Variants in LRRC4C observed in about 807,000 individuals in gnomAD.
LRRC4C encodes leucine rich repeat containing 4C.
A neutral mutation model predicts 33.6 loss-of-function variants in LRRC4C; 5 were observed. That is an observed-to-expected ratio of 0.15 (90% CI 0.08 to 0.31). LRRC4C has a LOEUF of 0.31. Ranked by LOEUF, LRRC4C falls within the 10% of genes least tolerant of loss-of-function variation. LRRC4C has a pLI of 1.00. For synonymous variants in LRRC4C, 329 were observed against 302.0 expected (o/e 1.09, Z -0.93); for missense variants, 560 against 796.7 (o/e 0.70, Z 3.58).
intron 1 of LRRC4C, among the ~76,000 whole-genome samples, chr11:41,137,068 C>A (rs377147955): frequency 1.1e-4 from 16 of 151,856 alleles, no homozygotes; most frequent in East Asian, 5.8e-4. Context: ...GCCAACATGG[C>A]GAAACCCTGA....
chr11:40,846,929 G>A (rs889274202), intron 2 of LRRC4C, among the ~76,000 whole-genome samples: 2 of 152,124 alleles, frequency 1.3e-5, no homozygotes, highest in Non-Finnish European at 2.9e-5. Context: ...AATTGTGAGT[G>A]GGTGTTTGCT....
At chr11:40,582,170 C>T (rs1192221760) in intron 3 of LRRC4C, among the ~76,000 whole-genome samples, 2 of 151,950 alleles carry the variant, frequency 1.3e-5, no homozygotes, top group East Asian at 3.9e-4. Flanking sequence ...ACTACCAATC[C>T]ATAGATACTG....
intron 2 of LRRC4C, among the ~76,000 whole-genome samples, chr11:40,711,003 C>T (rs1382378128): frequency 7.9e-5 from 12 of 152,252 alleles, no homozygotes; most frequent in South Asian, 2.1e-4. Context: ...CTGAGCCAGG[C>T]GTGGGATAAA....
intron 1 of LRRC4C, among the ~76,000 whole-genome samples, chr11:41,216,311 C>T (rs1310241641): frequency 6.6e-6 from 1 of 150,524 alleles, no homozygotes; most frequent in East Asian, 2.0e-4. Flanking sequence ...GACCGCTATG[C>T]AATCAACATT....
intron 2 of LRRC4C, among the ~76,000 whole-genome samples, chr11:40,915,059 T>C (rs1005403332): frequency 1.3e-5 from 2 of 152,248 alleles, no homozygotes; most frequent in African/African-American, 4.8e-5. Context: ...TATAAACAAA[T>C]GGAAGAACAT....
chr11:40,906,343 T>C (rs1956414173), intron 2 of LRRC4C, among the ~76,000 whole-genome samples: 1 of 152,108 alleles, frequency 6.6e-6, no homozygotes, highest in Non-Finnish European at 1.5e-5. Flanking sequence ...AAACCCCATC[T>C]CTACTAAAAA....
At chr11:40,839,858 A>ATC (rs1952837000) in intron 2 of LRRC4C, among the ~76,000 whole-genome samples, 1 of 152,216 alleles carries the variant, frequency 6.6e-6, no homozygotes, top group Admixed American at 6.5e-5. Context: ...TCCATAAAAA[A>ATC]TAATTTCAAT....
intron 1 of LRRC4C, among the ~76,000 whole-genome samples, chr11:41,112,006 G>C (rs1013384075): frequency 6.6e-6 from 1 of 151,986 alleles, no homozygotes; most frequent in African/African-American, 2.4e-5. Context: ...GAGAGAGGAT[G>C]TAAAAAGTAT....
rs937628143 is a variant in LRRC4C, at chr11:41,061,493, C to T, written c.-495-127770G>A. Among the ~76,000 whole-genome samples, 7 of 152,090 alleles carry T rather than the reference C, an allele frequency of 4.6e-5. No homozygotes were observed. In the South Asian group the frequency reaches 1.0e-3, roughly 23 times the overall value. On this transcript the variant is annotated intron_variant, in intron 1 of 6. Coordinates refer to ENST00000528697, the MANE Select transcript of LRRC4C (RefSeq NM_001258419.2). Reference sequence around the variant, plus strand: ...GACTTCTAGACTCTGAATATGTTACCGGGCACTGTGACACTGGGGGTGAGG... The same window carrying T: ...GACTTCTAGACTCTGAATATGTTACTGGGCACTGTGACACTGGGGGTGAGG...
intron 5 of LRRC4C, among the ~76,000 whole-genome samples, chr11:40,173,648 T>C (rs991700379): frequency 1.1e-4 from 17 of 152,176 alleles, no homozygotes; most frequent in African/African-American, 3.6e-4. Flanking sequence ...AAACAAAATC[T>C]CAGTGGATCT....
At chr11:40,845,277 G>A (rs1002409834) in intron 2 of LRRC4C, among the ~76,000 whole-genome samples, 2 of 151,964 alleles carry the variant, frequency 1.3e-5, no homozygotes, top group Non-Finnish European at 2.9e-5. Context: ...TCTACATTAG[G>A]TATTTCATCT....
chr11:40,616,984 T>C (rs1049020548), intron 3 of LRRC4C, among the ~76,000 whole-genome samples: 2 of 151,620 alleles, frequency 1.3e-5, no homozygotes, highest in Non-Finnish European at 3.0e-5. Context: ...TACCAATAGC[T>C]GGTCTTCATT....
intron 2 of LRRC4C, among the ~76,000 whole-genome samples, chr11:40,919,234 C>T (rs1957079043): frequency 6.6e-6 from 1 of 152,174 alleles, no homozygotes; most frequent in South Asian, 2.1e-4. Flanking sequence ...ATCATGGATT[C>T]CAGCTGTATC....
chr11:40,924,207 T>C (rs1351410782), intron 2 of LRRC4C, among the ~76,000 whole-genome samples: 4 of 151,660 alleles, frequency 2.6e-5, no homozygotes, highest in Admixed American at 6.6e-5. Context: ...GTCCAAAGTA[T>C]GGCCCTCACA....
chr11:40,597,500 C>G (rs1319551676), intron 3 of LRRC4C, among the ~76,000 whole-genome samples: 1 of 152,270 alleles, frequency 6.6e-6, no homozygotes, highest in Non-Finnish European at 1.5e-5. Context: ...TATTTCACTT[C>G]TCATCATTTT....
At chr11:40,895,236 G>C (rs1014421427) in intron 2 of LRRC4C, among the ~76,000 whole-genome samples, 2 of 151,972 alleles carry the variant, frequency 1.3e-5, no homozygotes, top group African/African-American at 4.8e-5. Context: ...ATTTATGTTA[G>C]ATACCTGGTC....
intron 1 of LRRC4C, among the ~76,000 whole-genome samples, chr11:41,339,615 G>C (rs1403009667): frequency 1.3e-5 from 2 of 152,112 alleles, no homozygotes; most frequent in Non-Finnish European, 1.5e-5. Context: ...GGGTGAGACG[G>C]AGATCTTAAA....
chr11:41,029,961 A>C lies in LRRC4C; in HGVS notation c.-495-96238T>G, dbSNP rs1420353859. Among the ~76,000 whole-genome samples the C allele has an allele frequency of 9.2e-5, 14 of 151,972 alleles. No individual in the cohort carries two copies. The East Asian group carries it at 1.2e-3, about 13-fold the overall frequency. ...ATAAGAAAGATAACTCTTGGGAACCATCCAAGGATAAATAGAAATTTGTCA... is the reference window on the plus strand; with the variant it reads ...ATAAGAAAGATAACTCTTGGGAACCCTCCAAGGATAAATAGAAATTTGTCA... On this transcript the variant is annotated intron_variant, in intron 1 of 6. Coordinates refer to ENST00000528697, the MANE Select transcript of LRRC4C (RefSeq NM_001258419.2).
At chr11:41,271,639 T>TA (rs983020109) in intron 1 of LRRC4C, among the ~76,000 whole-genome samples, 11 of 152,130 alleles carry the variant, frequency 7.2e-5, no homozygotes, top group African/African-American at 1.9e-4. Context: ...TGTATCAAAA[T>TA]AAAAAAATAC....
Sources: allele counts gnomAD v4.1 joint callset (sites outside exome capture counted in the v4.1 genomes callset), GRCh38; gene constraint gnomAD v4.1.1; transcripts MANE v1.5; gene names NCBI Gene and HGNC (gene_info 2026-07-23, HGNC 2026-07-21).